WDPCP: variants seen among roughly 807,000 people sequenced by gnomAD.
WDPCP encodes the protein WD repeat-containing and planar cell polarity effector protein fritz homolog.
In WDPCP, 71 loss-of-function variants were observed where a neutral mutation model predicts 93.1. The observed-to-expected ratio is 0.76, with a 90% confidence interval of 0.63 to 0.93. The LOEUF (loss-of-function observed/expected upper bound fraction) is 0.93, where lower values mean the gene tolerates loss of function less well. Among genes scored for constraint, WDPCP ranks in the 40% least tolerant of loss-of-function variants. The pLI is 0.00. For synonymous variants in WDPCP, 315 were observed against 315.0 expected (o/e 1.00, Z 0.00); for missense variants, 844 against 887.4 (o/e 0.95, Z 0.62).
intron 9 of WDPCP, among the ~76,000 whole-genome samples, chr2:63,414,478 C>T (rs1444639849): frequency 3.3e-5 from 5 of 151,460 alleles, no homozygotes; most frequent in African/African-American, 1.2e-4. Context: ...CATATACACA[C>T]ACACACACAC....
chr2:63,201,566 A>G (rs891425368), intron 14 of WDPCP, among the ~76,000 whole-genome samples: 14 of 152,236 alleles, frequency 9.2e-5, no homozygotes, highest in African/African-American at 3.4e-4. Flanking sequence ...AATTTTGACA[A>G]TTTCCTCTTT....
At chr2:63,417,269 T>C (rs1695502534) in intron 9 of WDPCP, among the ~76,000 whole-genome samples, 1 of 152,196 alleles carries the variant, frequency 6.6e-6, no homozygotes, top group Non-Finnish European at 1.5e-5. Context: ...GTGCAAACTG[T>C]TTTAAACATA....
chr2:63,568,916 T>C (rs554006061), intron 1 of WDPCP, among the ~76,000 whole-genome samples: 1 of 152,380 alleles, frequency 6.6e-6, no homozygotes, highest in African/African-American at 2.4e-5. Flanking sequence ...GGCTAGCAGA[T>C]ATTTAAGAAT....
intron 3 of WDPCP, among the ~76,000 whole-genome samples, chr2:63,614,235 C>A (rs1285085944): frequency 6.6e-6 from 1 of 152,186 alleles, no homozygotes; most frequent in Non-Finnish European, 1.5e-5. Flanking sequence ...CCTCAACCAT[C>A]TGACCCTTCT....
At chr2:63,528,330 T>C (rs530575088) in intron 1 of WDPCP, among the ~76,000 whole-genome samples, 1 of 152,346 alleles carries the variant, frequency 6.6e-6, no homozygotes, top group Admixed American at 6.5e-5. Context: ...GGTTTTCTGC[T>C]AGGGTTTTTA....
At chr2:63,623,243 G>A (rs1368520935) in intron 3 of WDPCP, among the ~76,000 whole-genome samples, 16 of 152,304 alleles carry the variant, frequency 1.1e-4, no homozygotes, top group Admixed American at 1.0e-3. Context: ...ATACCAAATT[G>A]TAAAGACCAT....
At chr2:63,221,991 C>T (rs887801039) in intron 14 of WDPCP, among the ~76,000 whole-genome samples, 1 of 152,042 alleles carries the variant, frequency 6.6e-6, no homozygotes, top group African/African-American at 2.4e-5. Context: ...GGATCCTTTC[C>T]CATAGTTGGA....
intron 14 of WDPCP, chr2:63,228,381 C>T (rs376745647): frequency 5.9e-4 from 67 of 113,672 alleles, no homozygotes; most frequent in African/African-American, 1.7e-3. Context: ...TGTTCTTTTT[C>T]TTTTTCTTTT....
At chr2:63,137,808 G>C (rs1670735488) in intron 17 of WDPCP, among the ~76,000 whole-genome samples, 1 of 152,102 alleles carries the variant, frequency 6.6e-6, no homozygotes, top group South Asian at 2.1e-4. Flanking sequence ...TTATTGAATA[G>C]GGATGCATTT....
chr2:63,200,098 C>A (rs1336144415), intron 14 of WDPCP, among the ~76,000 whole-genome samples: 1 of 152,086 alleles, frequency 6.6e-6, no homozygotes, highest in African/African-American at 2.4e-5. Context: ...CTGATTTATC[C>A]CTTTTGGAAT....
intron 13 of WDPCP, among the ~76,000 whole-genome samples, chr2:63,278,512 A>G (rs1049700710): frequency 6.6e-6 from 1 of 152,166 alleles, no homozygotes; most frequent in Non-Finnish European, 1.5e-5. Flanking sequence ...ATTGATAGAC[A>G]TTAGTGAGAT....
At chr2:63,644,345 A>C (rs920354108) in intron 3 of WDPCP, among the ~76,000 whole-genome samples, 2 of 151,090 alleles carry the variant, frequency 1.3e-5, no homozygotes, top group African/African-American at 4.9e-5. Context: ...CCTGGGTTCA[A>C]GCAATTCTCT....
chr2:63,566,633 G>A (rs1707081241), intron 1 of WDPCP, among the ~76,000 whole-genome samples: 1 of 152,182 alleles, frequency 6.6e-6, no homozygotes, highest in East Asian at 1.9e-4. Flanking sequence ...CAAATGTGTG[G>A]AGGTTGTCCA....
At chr2:63,815,775 G>T (rs1425856235) in intron 1 of WDPCP, among the ~76,000 whole-genome samples, 3 of 152,146 alleles carry the variant, frequency 2.0e-5, no homozygotes, top group Non-Finnish European at 2.9e-5. Context: ...TCCCATATGA[G>T]ATAAATGTAT....
intron 12 of WDPCP, among the ~76,000 whole-genome samples, chr2:63,348,032 C>T (rs1208170486): frequency 6.6e-6 from 1 of 152,144 alleles, no homozygotes; most frequent in Non-Finnish European, 1.5e-5. Flanking sequence ...GTCTTTCTCA[C>T]CTTAAGAAAC....
chr2:63,779,285 G>A (rs1160001722), intron 2 of WDPCP, among the ~76,000 whole-genome samples: 2 of 152,126 alleles, frequency 1.3e-5, no homozygotes, highest in Non-Finnish European at 2.9e-5. Context: ...TCCAAAACAC[G>A]TAACCTATCG....
At chr2:63,566,658 C>T (rs1177848598) in intron 1 of WDPCP, among the ~76,000 whole-genome samples, 8 of 152,222 alleles carry the variant, frequency 5.3e-5, no homozygotes, top group Non-Finnish European at 1.2e-4. Flanking sequence ...AAGCAATTCT[C>T]CAATTCTCTG....
intron 3 of WDPCP, among the ~76,000 whole-genome samples, chr2:63,611,706 G>C (rs1222157355): frequency 6.6e-6 from 1 of 152,154 alleles, no homozygotes; most frequent in Non-Finnish European, 1.5e-5. Flanking sequence ...TGGGTTCTTA[G>C]ACAAACTAAA....
At chr2:63,596,489 G>A (rs1477661462) in intron 3 of WDPCP, among the ~76,000 whole-genome samples, 1 of 152,122 alleles carries the variant, frequency 6.6e-6, no homozygotes, top group Non-Finnish European at 1.5e-5. Context: ...TGAGTTCCCT[G>A]TGCTTTTTCT....
Sources: allele counts gnomAD v4.1 joint callset (sites outside exome capture counted in the v4.1 genomes callset), GRCh38; gene constraint gnomAD v4.1.1; transcripts MANE v1.5; gene names NCBI Gene and HGNC (gene_info 2026-07-23, HGNC 2026-07-21).